WFDC12: variants seen among roughly 807,000 people sequenced by gnomAD.
WFDC12 encodes the protein WAP four-disulfide core domain 12.
In WFDC12, 4 loss-of-function variants were observed where a neutral mutation model predicts 7.3. The observed-to-expected ratio is 0.55, with a 90% CI of 0.27 to 1.25. The LOEUF is 1.25. Ranked by LOEUF, WFDC12 falls within the 50% of genes most tolerant of loss-of-function variation. The pLI, the probability that WFDC12 is intolerant of heterozygous loss-of-function variation, is 0.12. For synonymous variants in WFDC12, 48 were observed against 49.5 expected (o/e 0.97, Z 0.13); for missense variants, 156 against 134.4 (o/e 1.16, Z -0.80).
At position 45,124,188 on chromosome 20, in the gene WFDC12, G is replaced by C. The variant is rs778051159; in HGVS notation, c.157C>G (p.Gln53Glu). ...CACTTCCTTTCCCCCAGACAGTCCT[G>C]GTCTGTGTGACACTGGGGAGGATCG... Reference protein sequence around the residue: ...KSDPPQCHTDQDCLGERKCCY... With the variant: ...KSDPPQCHTDEDCLGERKCCY... Residue 53 changes from glutamine to glutamate, a missense_variant, in exon 2 of 3, where the codon CAG becomes GAG. Physicochemically the swap from Gln to Glu is conservative, Grantham distance 29 (BLOSUM62 2). Transcript: ENST00000372785. 10 of 1,614,044 alleles carry C rather than the reference G, an allele frequency of 6.2e-6. No homozygotes were observed. In the Admixed American group the frequency reaches 1.5e-4, roughly 24 times the overall value.
intron 2 of WFDC12, 38 bp from the exon 3 acceptor site, chr20:45,123,981 G>T: frequency 6.3e-7 from 1 of 1,595,952 alleles, no homozygotes; most frequent in East Asian, 2.3e-5. Context: ...GGTGGTCTCT[G>T]AGGGCCCTGC....
chr20:45,123,748 G>A lies in WFDC12; in HGVS notation c.*98C>T, dbSNP rs1981920756. ...GGACTTCAAGCTCAGGTTTTCTTTG[G>A]TGGGGTTGGGTATTGCTTCTTCCAT... is the stretch of plus-strand genomic sequence containing the variant. On this transcript the variant is annotated 3_prime_UTR_variant, in exon 3 of 3. Coordinates refer to ENST00000372785, the MANE Select transcript of WFDC12 (RefSeq NM_080869.2). 6.4e-6 allele frequency: 8 copies of A among 1,257,214 alleles called. No individual in the cohort carries two copies. Among genetic ancestry groups the A allele is most frequent in the Middle Eastern group, 2.7e-4 (1 of 3,640 alleles). The allele number at this position is 1,257,214 out of a possible 1,614,324, so 77.9% of individuals were successfully genotyped here. A position where few individuals can be genotyped will look rare whatever the true frequency, so the allele number is the denominator to read the frequency against.
At chr20:45,124,332 C>T (rs1479685288) in intron 1 of WFDC12, 37 bp downstream of exon 1, 1 of 1,613,980 alleles carries the variant, frequency 6.2e-7, no homozygotes, top group Non-Finnish European at 8.5e-7. Flanking sequence ...GACCTCTCCC[C>T]AGCCCAGCCC....
Position 45,124,273 on chromosome 20 carries a change from A to T in WFDC12, c.80-8T>A. On this transcript the variant is annotated splice_region_variant and splice_polypyrimidine_tract_variant and intron_variant, in intron 1 of 2. Transcript: ENST00000372785. ...CCCCTGCTTTCTCTATACCTAGTGGAGGAAGCCACAAGGTGATATGAGAAC... is the reference window on the plus strand; with the variant it reads ...CCCCTGCTTTCTCTATACCTAGTGGTGGAAGCCACAAGGTGATATGAGAAC... 1 of 1,614,076 alleles carries T rather than the reference A, an allele frequency of 6.2e-7. No homozygotes were observed. The highest frequency in any genetic ancestry group is 8.5e-7 in the Non-Finnish European group (1 of 1,179,986).
In WFDC12 at chr20:45,123,838, A is replaced by T; in HGVS notation, c.*8T>A. ...AGAGTGACCCCCAGAGGTAGAAAGGACCCAGCATCATTTCTGAGGACACCT... is the reference window on the plus strand; with the variant it reads ...AGAGTGACCCCCAGAGGTAGAAAGGTCCCAGCATCATTTCTGAGGACACCT... On this transcript the variant is annotated 3_prime_UTR_variant, in exon 3 of 3. Coordinates refer to ENST00000372785, the MANE Select transcript of WFDC12 (RefSeq NM_080869.2). 1 of 1,612,546 alleles carries T rather than the reference A, an allele frequency of 6.2e-7. No homozygotes were observed. The highest frequency in any genetic ancestry group is 8.5e-7 in the Non-Finnish European group (1 of 1,179,954).
Position 45,123,526 on chromosome 20 carries a change from C to A in WFDC12, c.*320G>T. ...CAGCATCTGGTGAGGACCAGTTTCT[C>A]TTCTCTGACAGTGCCTTCTAGCTGT... On this transcript the variant is annotated 3_prime_UTR_variant, in exon 3 of 3. Transcript: ENST00000372785. 1 of 344,650 alleles carries A rather than the reference C, an allele frequency of 2.9e-6. No individual in the cohort carries two copies. The highest frequency in any genetic ancestry group is 4.0e-5 in the South Asian group (1 of 25,274). 21.3% of individuals were successfully genotyped at this position (344,650 alleles called of 1,614,324 possible). A position where few individuals can be genotyped will look rare whatever the true frequency, so the allele number is the denominator to read the frequency against.
rs1981916479 is a variant in WFDC12, at chr20:45,123,531, C to G, written c.*315G>C. Reference sequence around the variant, plus strand: ...TCTGGTGAGGACCAGTTTCTCTTCTCTGACAGTGCCTTCTAGCTGTGATCA... The same window carrying G: ...TCTGGTGAGGACCAGTTTCTCTTCTGTGACAGTGCCTTCTAGCTGTGATCA... On this transcript the variant is annotated 3_prime_UTR_variant, in exon 3 of 3. Transcript: ENST00000372785. 2.9e-6 allele frequency: 1 copy of G among 349,788 alleles called. No individual in the cohort carries two copies. The highest frequency in any genetic ancestry group is 5.3e-6 in the Non-Finnish European group (1 of 190,404). 21.7% of individuals were successfully genotyped at this position (349,788 alleles called of 1,614,324 possible).
chr20:45,123,785 C>A lies in WFDC12; in HGVS notation c.*61G>T. On this transcript the variant is annotated 3_prime_UTR_variant, in exon 3 of 3. Coordinates refer to ENST00000372785, the MANE Select transcript of WFDC12 (RefSeq NM_080869.2). ...ATTGCTTCTTCCATATTCCAAGTCT[C>A]AGGACCCTCAGGGGCAGGTGCCAAG... 3.9e-6 allele frequency: 6 copies of A among 1,547,996 alleles called. No individual in the cohort carries two copies. Among genetic ancestry groups the A allele is most frequent in the Non-Finnish European group, 5.3e-6 (6 of 1,122,748 alleles).
rs1346399698 is a variant in WFDC12 at position 45,124,372 on chromosome 20, C to G, written c.76G>C (p.Glu26Gln). Reference sequence around the variant, plus strand: ...CAGCTCCACCATGTCTGCTCACCCTCTTTAACTCCTTCCACAGCCACCAGG... The same window carrying G: ...CAGCTCCACCATGTCTGCTCACCCTGTTTAACTCCTTCCACAGCCACCAGG... ...VTLVAVEGVK[E>Q]GIEKAGVCPA... The change falls in exon 1 of 3, where the codon GAG (glutamate) becomes CAG (glutamine). Residue 26 changes from glutamate to glutamine, a missense_variant. By Grantham distance (29) the Glu-to-Gln change is conservative. Coordinates refer to ENST00000372785, the MANE Select transcript of WFDC12 (RefSeq NM_080869.2). 1.9e-6 allele frequency: 3 copies of G among 1,614,136 alleles called. No homozygotes were observed. The highest frequency in any genetic ancestry group is 2.5e-6 in the Non-Finnish European group (3 of 1,180,056).
rs8124031 is a variant in WFDC12, at chr20:45,124,039, C to T, written c.238+68G>A. 13,582 of 1,608,464 alleles carry T rather than the reference C, an allele frequency of 8.4e-3. 905 individuals are homozygous for T. In the African/African-American group the frequency reaches 0.15, roughly 18 times the overall value. ...CACCAGCTAAAGGGACTAATTCCTC[C>T]GAACTTTCATGGGTCAGATAGAGGC... On this transcript the variant is annotated intron_variant, in intron 2 of 2. Transcript: ENST00000372785.
chr20:45,123,754 T>C lies in WFDC12; in HGVS notation c.*92A>G. 1.5e-6 allele frequency: 2 copies of C among 1,299,754 alleles called. No individual in the cohort carries two copies. The highest frequency in any genetic ancestry group is 2.3e-5 in the East Asian group (1 of 43,328). 80.5% of individuals were successfully genotyped at this position (1,299,754 alleles called of 1,614,324 possible). On this transcript the variant is annotated 3_prime_UTR_variant, in exon 3 of 3. Transcript: ENST00000372785. ...CAAGCTCAGGTTTTCTTTGGTGGGG[T>C]TGGGTATTGCTTCTTCCATATTCCA...
In WFDC12 at chr20:45,124,220, A is replaced by G; in HGVS notation, c.125T>C (p.Phe42Ser). 1 of 1,614,136 alleles carries G rather than the reference A, an allele frequency of 6.2e-7. No individual in the cohort carries two copies. The highest frequency in any genetic ancestry group is 8.5e-7 in the Non-Finnish European group (1 of 1,180,016). ...GVCPADNVRCFKSDPPQCHTD... is the reference protein window; with the variant it reads ...GVCPADNVRCSKSDPPQCHTD... ...GTGACACTGGGGAGGATCGGACTTG[A>G]AGCAGCGTACGTTGTCAGCTGGGCA... is the stretch of plus-strand genomic sequence containing the variant. Residue 42 changes from phenylalanine (F) to serine (S), a missense_variant, in exon 2 of 3, where the codon TTC becomes TCC. By Grantham distance (155) the Phe-to-Ser change is radical (BLOSUM62 -2). Coordinates refer to ENST00000372785, the MANE Select transcript of WFDC12 (RefSeq NM_080869.2).
In WFDC12 at chr20:45,123,570, G is replaced by A; in HGVS notation, c.*276C>T. The A allele has an allele frequency of 2.1e-6, 1 of 483,618 alleles. No individual in the cohort carries two copies. Among genetic ancestry groups the A allele is most frequent in the Non-Finnish European group, 3.7e-6 (1 of 267,968 alleles). The allele number at this position is 483,618 out of a possible 1,614,324, so 30.0% of individuals were successfully genotyped here. On this transcript the variant is annotated 3_prime_UTR_variant, in exon 3 of 3. Transcript: ENST00000372785. ...TAGCTGTGATCACACATTGCAGAAG[G>A]GCAAGGCAGCTCTTTGGGGTCTCTT...
At position 45,123,656 on chromosome 20, in the gene WFDC12, G is replaced by A. The variant is rs1981919175; in HGVS notation, c.*190C>T. The A allele has an allele frequency of 3.1e-6, 2 of 636,680 alleles. No individual in the cohort carries two copies. Among genetic ancestry groups the A allele is most frequent in the Non-Finnish European group, 5.5e-6 (2 of 362,766 alleles). The allele number at this position is 636,680 out of a possible 1,614,324, so 39.4% of individuals were successfully genotyped here. ...CATGAGCATTAGGGAGGAGCACCAG[G>A]TAGAGAGGGAAAGTACCGTCCCTGG... On this transcript the variant is annotated 3_prime_UTR_variant, in exon 3 of 3. Transcript: ENST00000372785.
intron 2 of WFDC12, 76 bp from the exon 3 acceptor site, chr20:45,124,019 G>T: frequency 6.2e-7 from 1 of 1,600,720 alleles, no homozygotes; most frequent in Non-Finnish European, 8.5e-7. Context: ...CCCCACACCA[G>T]CTAAAGGGAC....
Position 45,123,784 on chromosome 20 carries a change from T to C in WFDC12, c.*62A>G. 6.5e-7 allele frequency: 1 copy of C among 1,544,178 alleles called. No homozygotes were observed. Among genetic ancestry groups the C allele is most frequent in the Non-Finnish European group, 8.9e-7 (1 of 1,119,256 alleles). The stretch of plus-strand genomic sequence containing the variant: ...TATTGCTTCTTCCATATTCCAAGTC[T>C]CAGGACCCTCAGGGGCAGGTGCCAA... On this transcript the variant is annotated 3_prime_UTR_variant, in exon 3 of 3. Coordinates refer to ENST00000372785, the MANE Select transcript of WFDC12 (RefSeq NM_080869.2).
In WFDC12 at chr20:45,123,898, C is replaced by A; in HGVS notation, c.284G>T (p.Gly95Val). ...GGAGCCTGGACACTTGGCCTCCCAT[C>A]CTGGCTCAGGGTATGGCCTTGACAC... is the stretch of plus-strand genomic sequence containing the variant. Reference protein sequence around the residue: ...EDVSRPYPEPGWEAKCPGSSS... With the variant: ...EDVSRPYPEPVWEAKCPGSSS... The change falls in exon 3 of 3, where the codon GGA becomes GTA. Residue 95 changes from glycine (G) to valine (V), a missense_variant. Coordinates refer to ENST00000372785, the MANE Select transcript of WFDC12 (RefSeq NM_080869.2). 1.2e-6 allele frequency: 2 copies of A among 1,613,696 alleles called. No individual in the cohort carries two copies. Among genetic ancestry groups the A allele is most frequent in the South Asian group, 2.2e-5 (2 of 91,046 alleles).
rs1172139963 is a variant in WFDC12, at chr20:45,124,267, T to C, written c.80-2A>G. 4 of 1,613,994 alleles carry C rather than the reference T, an allele frequency of 2.5e-6. No individual in the cohort carries two copies. Among genetic ancestry groups the C allele is most frequent in the Non-Finnish European group, 2.5e-6 (3 of 1,180,002 alleles). Reference sequence around the variant, plus strand: ...GGCAAACCCCTGCTTTCTCTATACCTAGTGGAGGAAGCCACAAGGTGATAT... The same window carrying C: ...GGCAAACCCCTGCTTTCTCTATACCCAGTGGAGGAAGCCACAAGGTGATAT... On this transcript the variant is annotated splice_acceptor_variant, in intron 1 of 2. Coordinates refer to ENST00000372785, the MANE Select transcript of WFDC12 (RefSeq NM_080869.2). LOFTEE classifies it high-confidence loss of function.
rs1367972112 is a variant in WFDC12 at position 45,123,951 on chromosome 20, C to A, written c.239-8G>T. 3 of 1,606,896 alleles carry A rather than the reference C, an allele frequency of 1.9e-6. No individual in the cohort carries two copies. The highest frequency in any genetic ancestry group is 1.7e-6 in the Non-Finnish European group (2 of 1,176,360). On this transcript the variant is annotated splice_polypyrimidine_tract_variant and splice_region_variant and intron_variant, in intron 2 of 2. Coordinates refer to ENST00000372785, the MANE Select transcript of WFDC12 (RefSeq NM_080869.2). Reference sequence around the variant, plus strand: ...CTTCATCCTTGTTTCCTCCTTTGGACAATGGAGATGTTCAGACTAGGTGGT... The same window carrying A: ...CTTCATCCTTGTTTCCTCCTTTGGAAAATGGAGATGTTCAGACTAGGTGGT...
Sources: gnomAD v4.1 joint callset for allele counts on GRCh38, gnomAD v4.1.1 for gene constraint, MANE v1.5 for transcripts, NCBI Gene and HGNC (gene_info 2026-07-23, HGNC 2026-07-21) for gene names.